The following MAP4K3 variants were observed in gnomAD, a reference collection of about 807,000 sequenced individuals.
MAP4K3 encodes the protein MAPK/ERK kinase kinase kinase 3.
MAP4K3 carries 94 observed loss-of-function variants against 143.5 expected under a neutral mutation model. The ratio of observed to expected loss-of-function variants is 0.65; its 90% CI spans 0.55 to 0.78. The LOEUF is 0.78. MAP4K3 is among the 30% of genes least tolerant of loss of function. The probability of loss-of-function intolerance (pLI) is 0.00; values close to 1 mark genes in which losing one functional copy is unlikely to be tolerated. For missense variants in MAP4K3, 1,077 were observed against 1,068.1 expected, an observed-to-expected ratio of 1.01 and a Z score of -0.12; for synonymous variants, 416 against 347.2, an observed-to-expected ratio of 1.20 and a Z score of -2.20.
chr2:39,363,659 ACT>A (rs1184989611), intron 2 of MAP4K3, among the ~76,000 whole-genome samples: 4 of 103,102 alleles, frequency 3.9e-5, no homozygotes, highest in African/African-American at 7.4e-5. Context: ...ATAGAGTGAG[ACT>A]CTGTCTCAAA....
chr2:39,333,628 G>T, intron 6 of MAP4K3, 54 bp from the exon 7 acceptor site: 1 of 951,514 alleles, frequency 1.1e-6, no homozygotes, highest in Non-Finnish European at 1.7e-6. Flanking sequence ...TTATCAGACA[G>T]CACATATATA....
intron 22 of MAP4K3, among the ~76,000 whole-genome samples, 157 bp from the exon 23 acceptor site, chr2:39,280,513 C>G (rs538869273): frequency 7.9e-5 from 12 of 152,042 alleles, no homozygotes; most frequent in African/African-American, 2.9e-4. Flanking sequence ...AAGAAATCAT[C>G]ATAGTCATTT....
intron 31 of MAP4K3, among the ~76,000 whole-genome samples, chr2:39,256,784 C>G (rs1484483994): frequency 6.6e-6 from 1 of 152,174 alleles, no homozygotes; most frequent in Non-Finnish European, 1.5e-5. Flanking sequence ...GGGATTATCT[C>G]TTCCTTTAAT....
chr2:39,312,873 T>C (rs1391349177), intron 13 of MAP4K3, among the ~76,000 whole-genome samples: 2 of 152,258 alleles, frequency 1.3e-5, no homozygotes, highest in Non-Finnish European at 2.9e-5. Flanking sequence ...GACAGTCTTG[T>C]GCATCTATCT....
chr2:39,263,015 C>T (rs1680627761), intron 28 of MAP4K3, among the ~76,000 whole-genome samples: 1 of 151,848 alleles, frequency 6.6e-6, no homozygotes, highest in Non-Finnish European at 1.5e-5. Flanking sequence ...CTGCTTGATC[C>T]TGGGAGGCTG....
chr2:39,272,025 A>C, intron 26 of MAP4K3: 1 of 300,994 alleles, frequency 3.3e-6, no homozygotes, highest in Non-Finnish European at 6.1e-6. Flanking sequence ...GCAAAGTACA[A>C]GAAAAAAACT....
Position 39,298,447 on chromosome 2 carries a change from T to C in MAP4K3, c.1178+1296A>G, listed in dbSNP as rs190703270. Among the ~76,000 whole-genome samples the C allele has an allele frequency of 2.0e-5, 3 of 152,252 alleles. No homozygotes were observed. The East Asian group carries it at 5.8e-4, about 29-fold the overall frequency. Reference sequence around the variant, plus strand: ...GCTTAAATAAAAACTAATATATTTCTCCAGATTGTTATTAAAGCCTTTTCT... The same window carrying C: ...GCTTAAATAAAAACTAATATATTTCCCCAGATTGTTATTAAAGCCTTTTCT... On this transcript the variant is annotated intron_variant, in intron 16 of 33. Transcript: ENST00000263881.
At chr2:39,425,700 G>GCA (rs75800657) in intron 1 of MAP4K3, among the ~76,000 whole-genome samples, 17 of 152,120 alleles carry the variant, frequency 1.1e-4, no homozygotes. Context: ...CTGGTCTGTG[G>GCA]TATGTTGTTA....
intron 26 of MAP4K3, among the ~76,000 whole-genome samples, chr2:39,269,297 T>G (rs7561056): frequency 0.018 from 2,732 of 152,080 alleles, 91 homozygotes; most frequent in African/African-American, 0.061. Context: ...TACTGTAATT[T>G]TAACCCTTAA....
At chr2:39,289,772 G>A (rs1681952120) in intron 19 of MAP4K3, among the ~76,000 whole-genome samples, 1 of 152,116 alleles carries the variant, frequency 6.6e-6, no homozygotes, top group Non-Finnish European at 1.5e-5. Context: ...TAAATTCCTA[G>A]GACTTGTTAC....
At chr2:39,416,789 C>T (rs541899350) in intron 1 of MAP4K3, among the ~76,000 whole-genome samples, 1 of 152,320 alleles carries the variant, frequency 6.6e-6, no homozygotes, top group African/African-American at 2.4e-5. Flanking sequence ...ATCAACACTA[C>T]AATGTTTTCA....
intron 13 of MAP4K3, among the ~76,000 whole-genome samples, chr2:39,314,798 A>G (rs1683059517): frequency 6.6e-6 from 1 of 152,214 alleles, no homozygotes; most frequent in African/African-American, 2.4e-5. Flanking sequence ...TTCTGGGCCA[A>G]TCCAAGACCT....
intron 4 of MAP4K3, 145 bp downstream of exon 4, chr2:39,343,243 T>G: frequency 2.1e-6 from 1 of 477,864 alleles, no homozygotes; most frequent in South Asian, 5.5e-5. Context: ...TCCACCTATA[T>G]CTAAAATACC....
chr2:39,363,041 CTTTAA>C (rs779587618), intron 2 of MAP4K3, among the ~76,000 whole-genome samples: 79 of 152,274 alleles, frequency 5.2e-4, no homozygotes, highest in Admixed American at 9.2e-4. Flanking sequence ...AAAAATTCAG[CTTTAA>C]TTTATTAAAT....
At chr2:39,434,572 C>CT (rs1347436980) in intron 1 of MAP4K3, among the ~76,000 whole-genome samples, 1 of 152,228 alleles carries the variant, frequency 6.6e-6, no homozygotes, top group East Asian at 1.9e-4. Flanking sequence ...AACTCAAATG[C>CT]TAAACTAAAT....
chr2:39,270,001 T>TA (rs944250819), intron 26 of MAP4K3, among the ~76,000 whole-genome samples: 1 of 151,970 alleles, frequency 6.6e-6, no homozygotes, highest in African/African-American at 2.4e-5. Context: ...TTTTTAGAGT[T>TA]AAAAAAAATC....
chr2:39,320,434 G>A (rs12475793), intron 12 of MAP4K3, among the ~76,000 whole-genome samples: 24,740 of 151,988 alleles, frequency 0.16, 2,661 homozygotes, highest in Non-Finnish European at 0.23. Flanking sequence ...ACTCCCACAA[G>A]CCTAGTTCCA....
At chr2:39,384,248 C>A (rs778309396) in intron 1 of MAP4K3, among the ~76,000 whole-genome samples, 18 of 152,128 alleles carry the variant, frequency 1.2e-4, no homozygotes, top group Non-Finnish European at 2.2e-4. Context: ...CACTGTCGGC[C>A]GGGCATGGTG....
chr2:39,340,989 G>A (rs1200349453), intron 4 of MAP4K3, among the ~76,000 whole-genome samples: 2 of 152,158 alleles, frequency 1.3e-5, no homozygotes, highest in Non-Finnish European at 2.9e-5. Flanking sequence ...AGAGATCGCA[G>A]ATTGGGGGAG....
Sources: gnomAD v4.1 joint callset for allele counts (sites outside exome capture counted in the v4.1 genomes callset) on GRCh38, gnomAD v4.1.1 for gene constraint, MANE v1.5 for transcripts, NCBI Gene and HGNC (gene_info 2026-07-23, HGNC 2026-07-21) for gene names.